DPP6: variants seen among roughly 807,000 people sequenced by gnomAD.
DPP6 encodes dipeptidyl peptidase like 6.
DPP6 carries 69 observed loss-of-function variants against 122.6 expected under a neutral mutation model. The observed-to-expected ratio is 0.56, with a 90% CI of 0.46 to 0.69. The LOEUF is 0.69. Among genes scored for constraint, DPP6 ranks in the 30% least tolerant of loss-of-function variants. The pLI, the probability that DPP6 is intolerant of heterozygous loss-of-function variation, is 0.00. For synonymous variants in DPP6, 418 were observed against 433.1 expected, an observed-to-expected ratio of 0.97 and a Z score of 0.43; for missense variants, 928 against 1,116.9, an observed-to-expected ratio of 0.83 and a Z score of 2.41.
intron 5 of DPP6, among the ~76,000 whole-genome samples, chr7:154,574,143 C>G: frequency 6.6e-6 from 1 of 152,098 alleles, no homozygotes; most frequent in Admixed American, 6.6e-5. Flanking sequence ...AACAATGGTT[C>G]TTTTCTCAAC....
At chr7:154,322,070 A>G (rs1222301772) in intron 1 of DPP6, among the ~76,000 whole-genome samples, 2 of 89,066 alleles carry the variant, frequency 2.2e-5, no homozygotes, top group African/African-American at 4.5e-5. Flanking sequence ...CCCCCAGCTT[A>G]GTTCTCTAGA....
intron 1 of DPP6, among the ~76,000 whole-genome samples, chr7:154,359,036 T>G (rs1811506829): frequency 6.6e-6 from 1 of 152,222 alleles, no homozygotes; most frequent in Admixed American, 6.5e-5. Flanking sequence ...TAAAACTGAA[T>G]GAGCAGAAAT....
intron 1 of DPP6, among the ~76,000 whole-genome samples, chr7:153,915,985 G>A (rs1005762940): frequency 2.7e-5 from 4 of 149,102 alleles, no homozygotes; most frequent in African/African-American, 7.5e-5. Context: ...ATTTATTTTC[G>A]AGACAGAGTC....
At chr7:154,035,178 T>G (rs527497769) in intron 1 of DPP6, among the ~76,000 whole-genome samples, 31 of 152,352 alleles carry the variant, frequency 2.0e-4, no homozygotes. Context: ...AATTGCTCAC[T>G]AGCTCATCAT....
intron 2 of DPP6, among the ~76,000 whole-genome samples, chr7:154,473,720 G>A (rs1282383830): frequency 6.6e-6 from 1 of 152,146 alleles, no homozygotes. Flanking sequence ...AATTAAAAGA[G>A]GCAAATGGTT....
intron 5 of DPP6, among the ~76,000 whole-genome samples, chr7:154,610,651 A>G (rs922377420): frequency 1.3e-5 from 2 of 151,614 alleles, no homozygotes; most frequent in African/African-American, 4.9e-5. Context: ...TTGAACCTTG[A>G]GTAAAATCTC....
At chr7:154,258,556 T>G (rs982956472) in intron 1 of DPP6, among the ~76,000 whole-genome samples, 7 of 152,158 alleles carry the variant, frequency 4.6e-5, no homozygotes, top group African/African-American at 1.7e-4. Context: ...CCACAACCAA[T>G]AGCAAAAGCA....
At chr7:154,141,816 A>G (rs1290319075) in intron 1 of DPP6, among the ~76,000 whole-genome samples, 1 of 152,234 alleles carries the variant, frequency 6.6e-6, no homozygotes, top group East Asian at 1.9e-4. Context: ...TGGTCAGTAC[A>G]GTCAGGAAGG....
intron 16 of DPP6, among the ~76,000 whole-genome samples, chr7:154,824,600 A>C (rs1465136753): frequency 6.6e-6 from 1 of 152,240 alleles, no homozygotes; most frequent in Non-Finnish European, 1.5e-5. Flanking sequence ...CTTAATGCTT[A>C]GTAAAATGAA....
At position 154,618,616 on chromosome 7, in the gene DPP6, A is replaced by G. The variant is rs1367404739; in HGVS notation, c.628-19205A>G. Among the ~76,000 whole-genome samples the G allele has an allele frequency of 1.3e-5, 2 of 152,242 alleles. No individual in the cohort carries two copies. The highest frequency in any genetic ancestry group is 2.9e-5 in the Non-Finnish European group (2 of 68,044). On this transcript the variant is annotated intron_variant, in intron 5 of 25. Transcript: ENST00000377770. This position sits in a 1 kb window ranked among gnomAD's most constrained non-coding sequence, Gnocchi z 4.1. ...TTATGATGTGCTCAGAGCCACGCAC[A>G]GGATCGCTAGAAGCCGGGGCCACAG...
rs945932417 is a variant in DPP6 at position 154,755,083 on chromosome 7, T to C, written c.884-14334T>C. ...AGATGCAGCAAACCACCACGGCACA[T>C]GTATACCTATGTAACAAACCTGCAC... On this transcript the variant is annotated intron_variant, in intron 8 of 25. Coordinates refer to ENST00000377770, the MANE Select transcript of DPP6 (RefSeq NM_130797.4). The surrounding 1 kb of genome is among the most constrained non-coding windows in gnomAD (Gnocchi z 4.7). Among the ~76,000 whole-genome samples the C allele has an allele frequency of 6.7e-6, 1 of 150,260 alleles. No individual in the cohort carries two copies. The highest frequency in any genetic ancestry group is 1.5e-5 in the Non-Finnish European group (1 of 67,878).
At chr7:154,168,030 G>T (rs1222700233) in intron 1 of DPP6, among the ~76,000 whole-genome samples, 1 of 152,204 alleles carries the variant, frequency 6.6e-6, no homozygotes, top group Non-Finnish European at 1.5e-5. Context: ...ATCTGTTTCT[G>T]TTAGATTCAA....
chr7:154,852,316 G>A (rs1430018647), intron 16 of DPP6, among the ~76,000 whole-genome samples: 1 of 152,140 alleles, frequency 6.6e-6, no homozygotes, highest in East Asian at 1.9e-4. Flanking sequence ...TGAGTCCATG[G>A]CATCCTGGGT....
intron 1 of DPP6, among the ~76,000 whole-genome samples, chr7:153,973,575 CAG>C (rs1295464306): frequency 6.8e-6 from 1 of 146,572 alleles, no homozygotes; most frequent in African/African-American, 2.5e-5. Context: ...GGTCAAGCAA[CAG>C]GGGTGGGAGT....
chr7:154,118,727 C>T (rs1388477388), intron 1 of DPP6, among the ~76,000 whole-genome samples: 1 of 146,026 alleles, frequency 6.8e-6, no homozygotes, highest in Non-Finnish European at 1.5e-5. Context: ...AGGGCTATGG[C>T]AGAAGTGGAA....
chr7:153,958,783 C>T (rs548612301), intron 1 of DPP6, among the ~76,000 whole-genome samples: 36 of 152,184 alleles, frequency 2.4e-4, no homozygotes, highest in African/African-American at 8.2e-4. Context: ...TCTCCCTGAA[C>T]ATCTGGCCTG....
At chr7:154,149,091 C>T (rs1796273285) in intron 1 of DPP6, among the ~76,000 whole-genome samples, 1 of 152,218 alleles carries the variant, frequency 6.6e-6, no homozygotes, top group African/African-American at 2.4e-5. Flanking sequence ...AAGGGAGCTT[C>T]ATCCCTCCGA....
intron 1 of DPP6, among the ~76,000 whole-genome samples, chr7:154,140,746 A>T (rs1343044123): frequency 1.3e-5 from 2 of 152,232 alleles, no homozygotes; most frequent in East Asian, 3.8e-4. Flanking sequence ...AAATTTTTTT[A>T]AGCCTCATTT....
At chr7:154,197,497 G>A (rs1798929202) in intron 1 of DPP6, among the ~76,000 whole-genome samples, 1 of 152,118 alleles carries the variant, frequency 6.6e-6, no homozygotes, top group African/African-American at 2.4e-5. Flanking sequence ...GGAACACCCG[G>A]TCATCAGAGA....
Sources: gnomAD v4.1 joint callset for allele counts (sites outside exome capture counted in the v4.1 genomes callset) on GRCh38, gnomAD v4.1.1 for gene constraint, Gnocchi (gnomAD v3.1) non-coding constraint, MANE v1.5 for transcripts, NCBI Gene and HGNC (gene_info 2026-07-23, HGNC 2026-07-21) for gene names.